The following HDAC9 variants were observed in gnomAD, a reference collection of about 807,000 sequenced individuals.
The protein encoded by HDAC9 is MEF-2 interacting transcription repressor (MITR) protein.
Under a neutral mutation model 139.4 loss-of-function variants are expected in HDAC9, and 41 were observed. The observed-to-expected ratio is 0.29, with a 90% CI of 0.23 to 0.38. The LOEUF (loss-of-function observed/expected upper bound fraction) is 0.38. Ranked by LOEUF, HDAC9 falls within the 10% of genes least tolerant of loss-of-function variation. The probability of loss-of-function intolerance (pLI) is 1.00; values close to 1 mark genes in which losing one functional copy is unlikely to be tolerated. For missense variants in HDAC9, 1,147 were observed against 1,297.0 expected (o/e 0.88, Z 1.78); for synonymous variants, 517 against 476.2 (o/e 1.09, Z -1.12).
At chr7:18,765,778 A>G (rs945816592) in intron 15 of HDAC9, among the ~76,000 whole-genome samples, 1 of 152,174 alleles carries the variant, frequency 6.6e-6, no homozygotes, top group Non-Finnish European at 1.5e-5. Flanking sequence ...CAACAACATA[A>G]GAAAACTTTA....
At chr7:18,329,480 G>T (rs1369907923) in intron 1 of HDAC9, among the ~76,000 whole-genome samples, 2 of 150,948 alleles carry the variant, frequency 1.3e-5, no homozygotes, top group Non-Finnish European at 3.0e-5. Flanking sequence ...TACTTAGAAG[G>T]CCACTTTGGT....
chr7:18,354,111 C>A (rs1021039521), intron 1 of HDAC9, among the ~76,000 whole-genome samples: 1 of 152,038 alleles, frequency 6.6e-6, no homozygotes, highest in African/African-American at 2.4e-5. Context: ...GAAATTTTAT[C>A]ATCATATAGG....
At chr7:18,296,715 G>A (rs590099) in intron 1 of HDAC9, among the ~76,000 whole-genome samples, 23,779 of 152,168 alleles carry the variant, frequency 0.16, 2,063 homozygotes, top group East Asian at 0.26. Flanking sequence ...GGCTATTTGA[G>A]AAATGCAGAC....
intron 1 of HDAC9, among the ~76,000 whole-genome samples, chr7:18,297,984 C>G (rs1357054071): frequency 6.6e-6 from 1 of 152,136 alleles, no homozygotes; most frequent in East Asian, 1.9e-4. Context: ...TTAAATGTTA[C>G]AGCTCTAAAT....
At chr7:18,575,645 C>T (rs142570494) in intron 2 of HDAC9, among the ~76,000 whole-genome samples, 7 of 152,292 alleles carry the variant, frequency 4.6e-5, no homozygotes, top group African/African-American at 1.2e-4. Context: ...CAAATACTTA[C>T]GCAGTGTTGC....
intron 2 of HDAC9, among the ~76,000 whole-genome samples, chr7:18,273,055 C>CT (rs1491175072): frequency 6.5e-4 from 44 of 68,216 alleles, no homozygotes; most frequent in Admixed American, 8.4e-4. Context: ...TCCCCTTCTT[C>CT]GTTTTTTTTT....
intron 23 of HDAC9, among the ~76,000 whole-genome samples, chr7:18,948,219 C>T (rs116509520): frequency 0.024 from 3,556 of 150,690 alleles, 118 homozygotes; most frequent in African/African-American, 0.081. Flanking sequence ...CTAGACAGTG[C>T]GATATTGTAA....
rs188092784 is a variant in HDAC9, at chr7:18,193,262, G to C, written c.25+30913G>C. On this transcript the variant is annotated intron_variant, in intron 2 of 12. Transcript: ENST00000417496. ...TTAGGTAAAGTCAGATGAAAAGGTG[G>C]AACAATAATCTAATACATTTCATCA... Among the ~76,000 whole-genome samples, 14 of 152,142 alleles carry C rather than the reference G, an allele frequency of 9.2e-5. No homozygotes were observed. The East Asian group carries it at 2.5e-3, about 27-fold the overall frequency.
At chr7:18,744,334 C>G (rs796835025) in intron 13 of HDAC9, among the ~76,000 whole-genome samples, 3 of 152,244 alleles carry the variant, frequency 2.0e-5, no homozygotes, top group Admixed American at 6.5e-5. Flanking sequence ...AATGAAGCTG[C>G]TAGAATCTGG....
At chr7:18,637,219 G>C (rs6956139) in intron 8 of HDAC9, among the ~76,000 whole-genome samples, 30 of 151,856 alleles carry the variant, frequency 2.0e-4, no homozygotes, top group African/African-American at 7.3e-4. Context: ...TACCTTTCAG[G>C]GGGGAAGAAG....
At chr7:18,286,306 G>C (rs991089028), upstream of HDAC9, among the ~76,000 whole-genome samples, 1 of 151,194 alleles carries the variant, frequency 6.6e-6, no homozygotes, top group Admixed American at 6.6e-5. Context: ...CAGTTACCAT[G>C]GTTCAATTAG....
In HDAC9 at chr7:18,192,596, AT is replaced by A. The variant is rs566557624; in HGVS notation, c.25+30249del. Among the ~76,000 whole-genome samples the A allele has an allele frequency of 2.2e-3, 337 of 152,312 alleles. 2 individuals carry two copies. Among genetic ancestry groups the A allele is most frequent in the African/African-American group, 7.8e-3 (325 of 41,570 alleles). On this transcript the variant is annotated intron_variant, in intron 2 of 12. Coordinates refer to the HDAC9 transcript ENST00000417496. ...TCAGGAATTTGCTTTTGGAAATGTC[AT>A]TAAGGATATAGTATTTGGGGATGGT...
In HDAC9 at chr7:18,773,364, T is replaced by C. The variant is rs982458784; in HGVS notation, c.2214+6209T>C. 5.7e-4 allele frequency among the ~76,000 whole-genome samples: 81 copies of C among 142,842 alleles called. No homozygotes were observed. The Middle Eastern group carries it at 0.017, about 31-fold the overall frequency. 93.7% of individuals were successfully genotyped at this position (142,842 alleles called of 152,430 possible). On this transcript the variant is annotated intron_variant, in intron 16 of 25. Transcript: ENST00000686413. Reference sequence around the variant, plus strand: ...AGACCTATTTTTTTAAAAAACTGTATACACACACACACACACACACACACA... The same window carrying C: ...AGACCTATTTTTTTAAAAAACTGTACACACACACACACACACACACACACA...
At chr7:18,663,965 T>C (rs1054248647) in intron 11 of HDAC9, among the ~76,000 whole-genome samples, 5 of 152,180 alleles carry the variant, frequency 3.3e-5, no homozygotes, top group African/African-American at 1.2e-4. Context: ...AGTGTCCTTA[T>C]TCCTGGCATC....
At chr7:18,168,351 G>T (rs569685229) in intron 2 of HDAC9, among the ~76,000 whole-genome samples, 1 of 152,282 alleles carries the variant, frequency 6.6e-6, no homozygotes, top group South Asian at 2.1e-4. Context: ...TACAGTGGTT[G>T]ATAAATACTT....
intron 1 of HDAC9, among the ~76,000 whole-genome samples, chr7:18,093,015 T>G (rs1209296730): frequency 6.6e-6 from 1 of 152,138 alleles, no homozygotes; most frequent in African/African-American, 2.4e-5. Flanking sequence ...TACCCTCATT[T>G]TATAGAAAGG....
At chr7:18,486,540 G>T (rs901116964) in intron 1 of HDAC9, among the ~76,000 whole-genome samples, 1 of 152,038 alleles carries the variant, frequency 6.6e-6, no homozygotes, top group Admixed American at 6.6e-5. Flanking sequence ...AACTGTAATA[G>T]AAGCCAGTAT....
chr7:18,257,037 C>G (rs1395296585), intron 2 of HDAC9, among the ~76,000 whole-genome samples: 2 of 151,550 alleles, frequency 1.3e-5, no homozygotes, highest in Non-Finnish European at 2.9e-5. Context: ...TAGAGTGAAC[C>G]GTGATTATAC....
At chr7:18,704,143 C>T (rs1374184055) in intron 12 of HDAC9, among the ~76,000 whole-genome samples, 1 of 152,182 alleles carries the variant, frequency 6.6e-6, no homozygotes, top group Non-Finnish European at 1.5e-5. Flanking sequence ...ATAATCAGGA[C>T]CCAGTGGCAC....
Sources: allele counts gnomAD v4.1 joint callset (sites outside exome capture counted in the v4.1 genomes callset), GRCh38; gene constraint gnomAD v4.1.1; transcripts MANE v1.5; gene names NCBI Gene and HGNC (gene_info 2026-07-23, HGNC 2026-07-21).